The following MUC13 variants were observed in gnomAD, a reference collection of about 807,000 sequenced individuals.
MUC13 encodes mucin 13, cell surface associated.
MUC13 carries 32 observed loss-of-function variants against 48.3 expected under a neutral mutation model. That is an observed-to-expected ratio of 0.66 (90% CI 0.50 to 0.89). The LOEUF is 0.89. Among genes scored for constraint, MUC13 ranks in the 40% least tolerant of loss-of-function variants. MUC13 has a pLI of 0.00. For missense variants in MUC13, 571 were observed against 622.8 expected, an observed-to-expected ratio of 0.92 and a Z score of 0.88; for synonymous variants, 199 against 224.9, an observed-to-expected ratio of 0.88 and a Z score of 1.03.
At chr3:124,933,082 G>A (rs1317290833) in intron 1 of MUC13, among the ~76,000 whole-genome samples, 3 of 152,076 alleles carry the variant, frequency 2.0e-5, no homozygotes, top group Non-Finnish European at 4.4e-5. Flanking sequence ...CCCAAGGTTG[G>A]CAGGAGAGAT....
chr3:124,913,410 A>C, intron 7 of MUC13, 152 bp downstream of exon 7: 1 of 1,432,108 alleles, frequency 7.0e-7, no homozygotes, highest in Non-Finnish European at 9.5e-7. Context: ...GGGCTAGCAA[A>C]GGTCCCAGCC....
rs1292167298 is a variant in MUC13 at position 124,913,237 on chromosome 3, G to A, written c.1088C>T (p.Ser363Phe). 8 of 1,609,312 alleles carry A rather than the reference G, an allele frequency of 5.0e-6. No individual in the cohort carries two copies. The highest frequency in any genetic ancestry group is 6.8e-6 in the Non-Finnish European group (8 of 1,177,724). ...PNPQSPFCVA[S>F]SLKCPDACNA... ...GCAGGCATCAGGACACTTGAGACTG[G>A]AAGCTTCAAAACAGAATGATTTCTG... Residue 363 changes from serine to phenylalanine, a missense_variant, in exon 8 of 12, where the codon TCC becomes TTC. Physicochemically the swap from Ser to Phe is radical, Grantham distance 155 (BLOSUM62 -2). Coordinates refer to ENST00000616727, the MANE Select transcript of MUC13 (RefSeq NM_033049.4).
chr3:124,927,728 A>G lies in MUC13; in HGVS notation c.318T>C (p.Ser106=). The stretch of plus-strand genomic sequence containing the variant: ...ATGAATTTACATTTGTGGTTGACTC[A>G]CTGTCTGCAGCAGTAGGTATAGGAA... ...STIPIPTAAD[S]ESTTNVNSLA... is the part of the protein sequence containing the mutation. Residue 106 remains serine (S), a synonymous_variant, in exon 2 of 12, where the codon AGT becomes AGC. Transcript: ENST00000616727. The G allele has an allele frequency of 6.2e-7, 1 of 1,614,208 alleles. No individual in the cohort carries two copies. The highest frequency in any genetic ancestry group is 8.5e-7 in the Non-Finnish European group (1 of 1,180,044).
At chr3:124,928,126 G>A in intron 1 of MUC13, 133 bp from the exon 2 acceptor site, 1 of 707,026 alleles carries the variant, frequency 1.4e-6, no homozygotes, top group Non-Finnish European at 2.2e-6. Context: ...AAGTTGCCTA[G>A]ATTGGTCATA....
At position 124,920,281 on chromosome 3, in the gene MUC13, A is replaced by G; in HGVS notation, c.753T>C (p.Asp251=). 6.2e-7 allele frequency: 1 copy of G among 1,604,052 alleles called. No individual in the cohort carries two copies. Among genetic ancestry groups the G allele is most frequent in the Non-Finnish European group, 8.5e-7 (1 of 1,174,584 alleles). ...GTCCATAAACAGATGTGCCAAATACATCTTTAAACTGTGGAGGAAAACAGA... is the reference window on the plus strand; with the variant it reads ...GTCCATAAACAGATGTGCCAAATACGTCTTTAAACTGTGGAGGAAAACAGA... ...LHSEITSLFK[D]VFGTSVYGQT... Residue 251 remains aspartate, a synonymous_variant, in exon 5 of 12, where the codon GAT becomes GAC. Coordinates refer to ENST00000616727, the MANE Select transcript of MUC13 (RefSeq NM_033049.4).
At chr3:124,912,927 C>A (rs1269628636) in intron 8 of MUC13, among the ~76,000 whole-genome samples, 184 bp downstream of exon 8, 1 of 136,026 alleles carries the variant, frequency 7.4e-6, no homozygotes, top group Non-Finnish European at 1.5e-5. Flanking sequence ...CAGAGTGAGA[C>A]TCCATCTCAA....
rs1379318758 is a variant in MUC13, at chr3:124,905,697, C to G, written c.*1046G>C. The G allele has an allele frequency of 6.5e-6, 1 of 153,074 alleles. No homozygotes were observed. The highest frequency in any genetic ancestry group is 1.5e-5 in the Non-Finnish European group (1 of 68,062). 9.5% of individuals were successfully genotyped at this position (153,074 alleles called of 1,614,324 possible). A position where few individuals can be genotyped will look rare whatever the true frequency, so the allele number is the denominator to read the frequency against. ...AGGCTGAGGCCCCAATGGCACACCT[C>G]AGAAACCTACACCCCGAGGCTGGAC... On this transcript the variant is annotated 3_prime_UTR_variant, in exon 12 of 12. Coordinates refer to ENST00000616727, the MANE Select transcript of MUC13 (RefSeq NM_033049.4).
At chr3:124,921,492 T>G (rs1490732997) in intron 4 of MUC13, among the ~76,000 whole-genome samples, 3 of 152,186 alleles carry the variant, frequency 2.0e-5, no homozygotes, top group African/African-American at 7.2e-5. Context: ...TAATATTTTT[T>G]CCTTTAAAAC....
intron 1 of MUC13, among the ~76,000 whole-genome samples, chr3:124,928,650 G>A (rs375599263): frequency 1.3e-5 from 2 of 152,188 alleles, no homozygotes; most frequent in Non-Finnish European, 2.9e-5. Context: ...CCAAAGTGCT[G>A]GGATTGCAGA....
intron 10 of MUC13, 54 bp downstream of exon 10, chr3:124,910,361 C>A: frequency 6.3e-7 from 1 of 1,586,130 alleles, no homozygotes; most frequent in Non-Finnish European, 8.6e-7. Flanking sequence ...TAGTGAGACC[C>A]CCCCATCTCT....
At chr3:124,934,162 A>G (rs1287135850) in intron 1 of MUC13, among the ~76,000 whole-genome samples, 1 of 152,050 alleles carries the variant, frequency 6.6e-6, no homozygotes, top group Non-Finnish European at 1.5e-5. Context: ...ATCTCACTCC[A>G]TAGACCACTT....
Position 124,927,815 on chromosome 3 carries a change from ATG to A in MUC13, c.229_230del (p.His77Ter), listed in dbSNP as rs1480003091. 8.1e-6 allele frequency: 13 copies of A among 1,614,160 alleles called. No individual in the cohort carries two copies. Among genetic ancestry groups the A allele is most frequent in the Non-Finnish European group, 1.1e-5 (13 of 1,180,030 alleles). On this transcript the variant is annotated frameshift_variant, in exon 2 of 12. Transcript: ENST00000616727. LOFTEE classifies it high-confidence loss of function. ...TSPAPPIIST[H>X]SSSTIPTPAP... Reference sequence around the variant, plus strand: ...CAGGTGTAGGAATTGTGGAGGAACTATGTGTACTAATTATGGGGGGAGCAGGT... The same window carrying A: ...CAGGTGTAGGAATTGTGGAGGAACTATGTACTAATTATGGGGGGAGCAGGT...
intron 5 of MUC13, among the ~76,000 whole-genome samples, chr3:124,917,352 A>AT (rs55997120): frequency 0.69 from 99,185 of 144,756 alleles, 33,983 homozygotes; most frequent in East Asian, 0.88. Flanking sequence ...CCTTTTTGAC[A>AT]TTTTTTTTTT....
In MUC13 at chr3:124,918,745, C is replaced by T. The variant is rs145886960; in HGVS notation, c.800+1489G>A. 2.3e-4 allele frequency among the ~76,000 whole-genome samples: 35 copies of T among 152,288 alleles called. 1 individual carries two copies. In the East Asian group the frequency reaches 5.2e-3, roughly 23 times the overall value. On this transcript the variant is annotated intron_variant, in intron 5 of 11. Coordinates refer to ENST00000616727, the MANE Select transcript of MUC13 (RefSeq NM_033049.4). ...CAATTTCACCATTCCTGTTTGTATC[C>T]AGTCATCCCCTACACATGAACTGGC...
intron 6 of MUC13, among the ~76,000 whole-genome samples, chr3:124,914,154 G>A (rs755752229): frequency 2.6e-5 from 4 of 152,174 alleles, no homozygotes; most frequent in Admixed American, 6.5e-5. Flanking sequence ...GCTCACGTCT[G>A]TAATCTCAGC....
chr3:124,914,724 C>G (rs57828254), intron 6 of MUC13, among the ~76,000 whole-genome samples: 2 of 152,044 alleles, frequency 1.3e-5, no homozygotes, highest in Non-Finnish European at 1.5e-5. Context: ...GTCAGGAGTT[C>G]GAGACCAGCC....
At chr3:124,923,675 A>G in intron 2 of MUC13, 26 bp from the exon 3 acceptor site, 1 of 1,602,730 alleles carries the variant, frequency 6.2e-7, no homozygotes, top group Non-Finnish European at 8.5e-7. Flanking sequence ...AAGAGATTAG[A>G]AATCCAGAGA....
In MUC13 at chr3:124,913,663, T is replaced by A; in HGVS notation, c.983A>T (p.Tyr328Phe). ...LNYDLTLRCD[Y>F]YGCNQTADDC... Reference sequence around the variant, plus strand: ...ATCCGCAGTCTGGTTACAGCCATAATAATCACACCGAAGGGTCACTGAGAA... The same window carrying A: ...ATCCGCAGTCTGGTTACAGCCATAAAAATCACACCGAAGGGTCACTGAGAA... The change falls in exon 7 of 12, where the codon TAT becomes TTT. Residue 328 changes from tyrosine to phenylalanine, a missense_variant. Coordinates refer to ENST00000616727, the MANE Select transcript of MUC13 (RefSeq NM_033049.4). 6.2e-7 allele frequency: 1 copy of A among 1,614,208 alleles called. No individual in the cohort carries two copies. The highest frequency in any genetic ancestry group is 1.1e-5 in the South Asian group (1 of 91,082).
intron 4 of MUC13, among the ~76,000 whole-genome samples, chr3:124,920,909 G>A (rs9843509): frequency 0.73 from 110,967 of 152,194 alleles, 40,683 homozygotes; most frequent in East Asian, 0.88. Flanking sequence ...CAGGGCAGAG[G>A]TGACATGGCA....
Sources: allele counts gnomAD v4.1 joint callset (sites outside exome capture counted in the v4.1 genomes callset), GRCh38; gene constraint gnomAD v4.1.1; transcripts MANE v1.5; gene names NCBI Gene and HGNC (gene_info 2026-07-23, HGNC 2026-07-21).